The following NXPE3 variants were observed in gnomAD, a reference collection of about 807,000 sequenced individuals.
The protein encoded by NXPE3 is neurexophilin and PC-esterase domain family member 3.
Under a neutral mutation model 46.1 loss-of-function variants are expected in NXPE3, and 26 were observed. That is an observed-to-expected ratio of 0.56 (90% CI 0.41 to 0.78). The LOEUF is 0.78. Ranked by LOEUF, NXPE3 falls within the 30% of genes least tolerant of loss-of-function variation. NXPE3 has a pLI of 0.00. For missense variants in NXPE3, 620 were observed against 686.0 expected, an observed-to-expected ratio of 0.90 and a Z score of 1.07; for synonymous variants, 272 against 257.9, an observed-to-expected ratio of 1.05 and a Z score of -0.52.
chr3:101,810,343 A>C (rs191822637), intron 6 of NXPE3, among the ~76,000 whole-genome samples: 6 of 152,324 alleles, frequency 3.9e-5, no homozygotes, highest in Admixed American at 3.9e-4. Context: ...ATCTAATAGC[A>C]ACAGTATAGA....
rs1349162285 is a variant in NXPE3 at position 101,824,764 on chromosome 3, A to G, written c.*2810A>G. 1.3e-5 allele frequency: 2 copies of G among 152,174 alleles called. No homozygotes were observed. Among genetic ancestry groups the G allele is most frequent in the Non-Finnish European group, 2.9e-5 (2 of 68,024 alleles). The allele number at this position is 152,174 out of a possible 1,614,324, so 9.4% of individuals were successfully genotyped here. A position where few individuals can be genotyped will look rare whatever the true frequency, so the allele number is the denominator to read the frequency against. On this transcript the variant is annotated 3_prime_UTR_variant, in exon 8 of 8. Transcript: ENST00000273347. The stretch of plus-strand genomic sequence containing the variant: ...AGCTGAGAGTTTTTCTTGTCGTGAA[A>G]GAACTTGACATTTCCTCAAGGATTT...
intron 6 of NXPE3, among the ~76,000 whole-genome samples, chr3:101,813,309 A>C (rs1941810186): frequency 6.6e-6 from 1 of 152,172 alleles, no homozygotes; most frequent in African/African-American, 2.4e-5. Flanking sequence ...CCATACCATA[A>C]AATTAATGGA....
chr3:101,801,735 G>T lies in NXPE3; in HGVS notation c.594G>T (p.Gln198His). 1 of 1,614,196 alleles carries T rather than the reference G, an allele frequency of 6.2e-7. No homozygotes were observed. The highest frequency in any genetic ancestry group is 1.1e-5 in the South Asian group (1 of 91,080). Residue 198 changes from glutamine to histidine, a missense_variant, in exon 5 of 8, where the codon CAG (glutamine) becomes CAT (histidine). By Grantham distance (24) the Gln-to-His change is conservative (BLOSUM62 0). Transcript: ENST00000273347. ...VHPSEGIRVL[Q>H]RLQEDKPDRV... ...CCAGTGAAGGGATCAGAGTTCTTCA[G>T]CGCTTACAGGAAGATAAACCAGACA...
intron 3 of NXPE3, 42 bp from the exon 4 acceptor site, chr3:101,785,360 C>G (rs1940093986): frequency 2.1e-6 from 1 of 476,768 alleles, no homozygotes; most frequent in Non-Finnish European, 3.9e-6. Context: ...CCACCCTAGG[C>G]CATTGCAATT....
intron 6 of NXPE3, among the ~76,000 whole-genome samples, chr3:101,810,273 A>G (rs529057905): frequency 2.6e-5 from 4 of 152,312 alleles, no homozygotes; most frequent in African/African-American, 9.6e-5. Flanking sequence ...TTCTGACCTC[A>G]TCAACAACTT....
intron 6 of NXPE3, 149 bp downstream of exon 6, chr3:101,807,275 A>T: frequency 1.6e-6 from 1 of 621,982 alleles, no homozygotes; most frequent in Admixed American, 3.0e-5. Context: ...GATTAAAAAA[A>T]TCAGATCTTA....
chr3:101,789,157 G>T (rs1414058531), intron 4 of NXPE3, among the ~76,000 whole-genome samples: 2 of 151,934 alleles, frequency 1.3e-5, no homozygotes, highest in Non-Finnish European at 2.9e-5. Flanking sequence ...GTTTACTTTG[G>T]ATTTAATTGT....
chr3:101,820,749 A>G (rs988694546), intron 7 of NXPE3, among the ~76,000 whole-genome samples: 1 of 152,244 alleles, frequency 6.6e-6, no homozygotes, highest in East Asian at 1.9e-4. Flanking sequence ...GGAGGCTATT[A>G]TCTTTAGCAA....
chr3:101,808,244 A>G (rs184888354), intron 6 of NXPE3, among the ~76,000 whole-genome samples: 63 of 152,332 alleles, frequency 4.1e-4, no homozygotes, highest in African/African-American at 1.4e-3. Context: ...AATAGATATA[A>G]TTAGCTATCG....
At chr3:101,802,511 G>C (rs1466385728) in intron 5 of NXPE3, among the ~76,000 whole-genome samples, 1 of 151,842 alleles carries the variant, frequency 6.6e-6, no homozygotes, top group African/African-American at 2.4e-5. Context: ...AGTCAGGCTG[G>C]TGTTTTATCT....
intron 4 of NXPE3, among the ~76,000 whole-genome samples, chr3:101,789,019 C>T (rs1405248931): frequency 6.6e-6 from 1 of 152,160 alleles, no homozygotes; most frequent in Non-Finnish European, 1.5e-5. Flanking sequence ...TACTCCTGAT[C>T]ACTCTGACCA....
At chr3:101,794,114 T>TG (rs1280978932) in intron 4 of NXPE3, among the ~76,000 whole-genome samples, 2 of 152,108 alleles carry the variant, frequency 1.3e-5, no homozygotes, top group African/African-American at 4.8e-5. Context: ...TTTTGCCTTT[T>TG]TTTTTTTTCA....
intron 3 of NXPE3, among the ~76,000 whole-genome samples, chr3:101,782,993 T>C (rs773247670): frequency 6.6e-6 from 1 of 151,962 alleles, no homozygotes; most frequent in Non-Finnish European, 1.5e-5. Context: ...TGGTGAAAAA[T>C]TAGGACATAC....
At chr3:101,799,255 A>G (rs1941009083) in intron 4 of NXPE3, among the ~76,000 whole-genome samples, 1 of 152,070 alleles carries the variant, frequency 6.6e-6, no homozygotes, top group South Asian at 2.1e-4. Flanking sequence ...CTGTTAACAT[A>G]ATGAAAGATG....
intron 6 of NXPE3, among the ~76,000 whole-genome samples, chr3:101,809,858 C>T (rs1941633133): frequency 6.6e-6 from 1 of 152,172 alleles, no homozygotes; most frequent in Non-Finnish European, 1.5e-5. Context: ...TAGTTTCTGG[C>T]ACCACAAGAT....
chr3:101,785,670 T>C lies in NXPE3; in HGVS notation c.74T>C (p.Ile25Thr). ...GTGTTGATGGTGGTGGTGCTGGTCATCAATGTTACTCAGGTAGAGGTGAGT... is the reference window on the plus strand; with the variant it reads ...GTGTTGATGGTGGTGGTGCTGGTCACCAATGTTACTCAGGTAGAGGTGAGT... ...LAVLMVVVLV[I>T]NVTQVEYLDH... Residue 25 changes from isoleucine (I) to threonine (T), a missense_variant, in exon 4 of 8, where the codon ATC (isoleucine) becomes ACC (threonine). Coordinates refer to ENST00000273347, the MANE Select transcript of NXPE3 (RefSeq NM_145037.4). 2 of 1,613,506 alleles carry C rather than the reference T, an allele frequency of 1.2e-6. No homozygotes were observed. The highest frequency in any genetic ancestry group is 1.7e-6 in the Non-Finnish European group (2 of 1,179,786).
intron 4 of NXPE3, among the ~76,000 whole-genome samples, chr3:101,797,789 G>A (rs1210451077): frequency 5.6e-5 from 2 of 35,824 alleles, no homozygotes; most frequent in South Asian, 1.7e-3. Flanking sequence ...ATTCCATGGT[G>A]TATATGTGCC....
chr3:101,785,569 C>T lies in NXPE3; in HGVS notation c.-28C>T, dbSNP rs750926527. 6.3e-7 allele frequency: 1 copy of T among 1,591,502 alleles called. No homozygotes were observed. Among genetic ancestry groups the T allele is most frequent in the East Asian group, 2.2e-5 (1 of 44,780 alleles). ...AAGAGTGAAGGTAGCATGGTGTCGGCCATGGGTGAACAAGACACAGCCAGA... is the reference window on the plus strand; with the variant it reads ...AAGAGTGAAGGTAGCATGGTGTCGGTCATGGGTGAACAAGACACAGCCAGA... On this transcript the variant is annotated 5_prime_UTR_variant, in exon 4 of 8. Coordinates refer to ENST00000273347, the MANE Select transcript of NXPE3 (RefSeq NM_145037.4).
At chr3:101,808,922 C>T (rs910170722) in intron 6 of NXPE3, among the ~76,000 whole-genome samples, 88 of 143,498 alleles carry the variant, frequency 6.1e-4, no homozygotes, top group African/African-American at 2.2e-3. Context: ...GACAAGGTGT[C>T]CTTCAGTAGT....
Sources: gnomAD v4.1 joint callset for allele counts (sites outside exome capture counted in the v4.1 genomes callset) on GRCh38, gnomAD v4.1.1 for gene constraint, MANE v1.5 for transcripts, NCBI Gene and HGNC (gene_info 2026-07-23, HGNC 2026-07-21) for gene names.